Variants in DOCK3 observed in about 807,000 individuals in gnomAD.
DOCK3 encodes the protein dedicator of cytokinesis protein 3.
DOCK3 carries 60 observed loss-of-function variants against 265.6 expected under a neutral mutation model. That is an observed-to-expected ratio of 0.23 (90% confidence interval 0.18 to 0.28). The LOEUF is 0.28. Ranked by LOEUF, DOCK3 falls within the 10% of genes least tolerant of loss-of-function variation. DOCK3 has a pLI of 1.00. For synonymous variants in DOCK3, 881 were observed against 938.0 expected, an observed-to-expected ratio of 0.94 and a Z score of 1.11; for missense variants, 1,981 against 2,594.3, an observed-to-expected ratio of 0.76 and a Z score of 5.14.
At chr3:51,297,774 AAAT>A (rs1047160280) in intron 27 of DOCK3, among the ~76,000 whole-genome samples, 2 of 112,492 alleles carry the variant, frequency 1.8e-5, no homozygotes, top group African/African-American at 7.5e-5. Context: ...GTCTTTACAA[AAAT>A]AATAATAATA....
intron 5 of DOCK3, among the ~76,000 whole-genome samples, chr3:50,949,241 G>A (rs992677824): frequency 2.0e-5 from 3 of 152,114 alleles, no homozygotes. Context: ...CAGAGTGGGA[G>A]AAAATATTTA....
chr3:51,186,078 G>A (rs1327164475), intron 12 of DOCK3, among the ~76,000 whole-genome samples: 1 of 152,164 alleles, frequency 6.6e-6, no homozygotes, highest in East Asian at 1.9e-4. Context: ...ACAGTTTGGA[G>A]GGCTCAGAAG....
intron 1 of DOCK3, among the ~76,000 whole-genome samples, chr3:50,726,882 G>A (rs1331601181): frequency 3.9e-5 from 6 of 152,270 alleles, no homozygotes; most frequent in Middle Eastern, 3.4e-3. Flanking sequence ...GAAACAAAAT[G>A]TGTAGCCTAT....
chr3:51,115,613 A>G (rs1469808695), intron 9 of DOCK3, among the ~76,000 whole-genome samples: 1 of 152,064 alleles, frequency 6.6e-6, no homozygotes, highest in Non-Finnish European at 1.5e-5. Context: ...CTCTGATGAT[A>G]GTTTCTTTTG....
At chr3:51,062,652 A>T (rs1406845321) in intron 5 of DOCK3, among the ~76,000 whole-genome samples, 2 of 152,218 alleles carry the variant, frequency 1.3e-5, no homozygotes, top group Admixed American at 1.3e-4. Flanking sequence ...TTTGATCACA[A>T]CAAAGTGTTA....
intron 12 of DOCK3, among the ~76,000 whole-genome samples, chr3:51,169,959 A>G (rs950581242): frequency 3.9e-5 from 6 of 152,088 alleles, no homozygotes; most frequent in East Asian, 1.9e-4. Context: ...GAAATTTTGC[A>G]TCTGTGTTCA....
chr3:51,200,533 A>G (rs1313611585), intron 12 of DOCK3, among the ~76,000 whole-genome samples: 5 of 150,370 alleles, frequency 3.3e-5, no homozygotes, highest in South Asian at 4.3e-4. Flanking sequence ...GAAAAGACCA[A>G]ATCTACGTCT....
At chr3:50,689,942 G>A (rs2035094451) in intron 1 of DOCK3, among the ~76,000 whole-genome samples, 1 of 152,082 alleles carries the variant, frequency 6.6e-6, no homozygotes, top group Admixed American at 6.5e-5. Flanking sequence ...ACTTGGTGGT[G>A]TCTCTAGATG....
intron 38 of DOCK3, among the ~76,000 whole-genome samples, chr3:51,344,432 C>G (rs1314997501): frequency 6.6e-6 from 1 of 152,120 alleles, no homozygotes; most frequent in Non-Finnish European, 1.5e-5. Context: ...ACCAGCTGGC[C>G]AACATGGTGA....
At chr3:50,737,275 C>A (rs1226304149) in intron 1 of DOCK3, among the ~76,000 whole-genome samples, 5 of 152,114 alleles carry the variant, frequency 3.3e-5, no homozygotes, top group African/African-American at 9.7e-5. Flanking sequence ...AAGCCCTTGC[C>A]CATGCCTATG....
At chr3:50,779,002 A>G (rs1034437952) in intron 2 of DOCK3, among the ~76,000 whole-genome samples, 4 of 152,142 alleles carry the variant, frequency 2.6e-5, no homozygotes, top group Non-Finnish European at 5.9e-5. Flanking sequence ...TTTTTTACAT[A>G]TATTTATGGG....
intron 1 of DOCK3, among the ~76,000 whole-genome samples, chr3:50,745,401 G>T (rs1343284986): frequency 6.6e-6 from 1 of 152,104 alleles, no homozygotes; most frequent in Non-Finnish European, 1.5e-5. Context: ...GGGTAGTAAT[G>T]TTATTTTAAC....
chr3:51,196,842 CT>C (rs2088329682), intron 12 of DOCK3, among the ~76,000 whole-genome samples: 1 of 152,114 alleles, frequency 6.6e-6, no homozygotes, highest in South Asian at 2.1e-4. Flanking sequence ...ATTTTGAATT[CT>C]TTATCTGGGA....
intron 21 of DOCK3, among the ~76,000 whole-genome samples, chr3:51,240,297 G>A (rs1260749665): frequency 1.3e-5 from 2 of 152,166 alleles, no homozygotes; most frequent in Non-Finnish European, 2.9e-5. Context: ...TGATTGTGCT[G>A]TGGTCTGAGA....
chr3:51,236,289 A>C, intron 19 of DOCK3, 56 bp from the exon 20 acceptor site: 1 of 1,282,914 alleles, frequency 7.8e-7, no homozygotes, highest in Non-Finnish European at 1.1e-6. Context: ...GATTTATGGA[A>C]GTTTGTGCGT....
chr3:50,890,974 A>G (rs557876250), intron 4 of DOCK3, among the ~76,000 whole-genome samples: 12 of 152,260 alleles, frequency 7.9e-5, no homozygotes, highest in African/African-American at 2.9e-4. Context: ...ACCGAAACCC[A>G]GGAACTCAGA....
intron 51 of DOCK3, chr3:51,379,486 C>T (rs141458443): frequency 2.9e-5 from 29 of 985,462 alleles, no homozygotes; most frequent in Non-Finnish European, 3.3e-5. Flanking sequence ...GTCTGGATAG[C>T]GGAGCCCAAG....
chr3:51,236,561 C>G (rs2291162), intron 20 of DOCK3, 133 bp downstream of exon 20: 687,153 of 814,382 alleles, frequency 0.84, 292,384 homozygotes, highest in Middle Eastern at 0.88. Context: ...GGACTAAGGA[C>G]TGTCACCCAA....
At chr3:50,784,849 T>C (rs1409950820) in intron 2 of DOCK3, among the ~76,000 whole-genome samples, 1 of 152,190 alleles carries the variant, frequency 6.6e-6, no homozygotes, top group Admixed American at 6.5e-5. Context: ...TGCTACAAAT[T>C]TGTGCACATC....
Sources: gnomAD v4.1 joint callset for allele counts (sites outside exome capture counted in the v4.1 genomes callset) on GRCh38, gnomAD v4.1.1 for gene constraint, MANE v1.5 for transcripts, NCBI Gene and HGNC (gene_info 2026-07-23, HGNC 2026-07-21) for gene names.